XCL1: variants seen among roughly 807,000 people sequenced by gnomAD.
XCL1 encodes lymphotactin.
In XCL1, 6 loss-of-function variants were observed where a neutral mutation model predicts 7.4. The ratio of observed to expected loss-of-function variants is 0.82; its 90% CI spans 0.45 to 1.61. The LOEUF (loss-of-function observed/expected upper bound fraction) is 1.61. XCL1 is among the 40% of genes most tolerant of loss of function. The pLI, the probability that XCL1 is intolerant of heterozygous loss-of-function variation, is 0.01. For missense variants in XCL1, 122 were observed against 138.2 expected (o/e 0.88, Z 0.59); for synonymous variants, 48 against 52.4 (o/e 0.92, Z 0.36).
chr1:168,578,087 T>C (rs566921447), intron 1 of XCL1, among the ~76,000 whole-genome samples: 1 of 152,316 alleles, frequency 6.6e-6, no homozygotes, highest in African/African-American at 2.4e-5. Flanking sequence ...GAGAGAAATA[T>C]TGTTTCTTAA....
chr1:168,577,206 G>A (rs1655044575), intron 1 of XCL1, among the ~76,000 whole-genome samples: 1 of 152,114 alleles, frequency 6.6e-6, no homozygotes, highest in Admixed American at 6.5e-5. Context: ...TGCACCAGAG[G>A]ATGTATGTTC....
intron 2 of XCL1, among the ~76,000 whole-genome samples, 156 bp downstream of exon 2, chr1:168,580,333 C>T (rs1211061972): frequency 6.6e-6 from 1 of 152,206 alleles, no homozygotes; most frequent in South Asian, 2.1e-4. Context: ...TCAATCATGT[C>T]TTTCTGCAGC....
intron 1 of XCL1, among the ~76,000 whole-genome samples, chr1:168,577,643 T>A (rs763017759): frequency 2.0e-5 from 3 of 152,194 alleles, no homozygotes; most frequent in Admixed American, 6.5e-5. Context: ...TGGCTAAGTC[T>A]GGAAGTCCTT....
rs781589525 is a variant in XCL1 at position 168,581,088 on chromosome 1, T to C, written c.213T>C (p.Asp71=). ...ITKRGLKVCA[D]PQATWVRDVV... ...AACGTGGCCTAAAAGTCTGTGCTGA[T>C]CCACAAGCCACATGGGTGAGAGACG... Residue 71 remains aspartate, a synonymous_variant, in exon 3 of 3, where the codon GAT becomes GAC. Coordinates refer to ENST00000367818, the MANE Select transcript of XCL1 (RefSeq NM_002995.3). 1.1e-5 allele frequency: 18 copies of C among 1,613,658 alleles called. No homozygotes were observed. The highest frequency in any genetic ancestry group is 1.5e-5 in the Non-Finnish European group (18 of 1,179,772).
At chr1:168,577,325 T>C (rs1248331619) in intron 1 of XCL1, among the ~76,000 whole-genome samples, 1 of 152,156 alleles carries the variant, frequency 6.6e-6, no homozygotes, top group African/African-American at 2.4e-5. Context: ...GGGACTCTGT[T>C]AGTAATGCCA....
intron 1 of XCL1, among the ~76,000 whole-genome samples, chr1:168,578,205 A>G (rs1359551034): frequency 6.6e-6 from 1 of 152,228 alleles, no homozygotes; most frequent in African/African-American, 2.4e-5. Flanking sequence ...CAATGTGCAG[A>G]CTGGCATTGA....
chr1:168,579,387 G>A (rs1319999051), intron 1 of XCL1: 4 of 173,080 alleles, frequency 2.3e-5, no homozygotes, highest in East Asian at 1.9e-4. Context: ...GCTTCCTCAC[G>A]ACGGCAGGGT....
At chr1:168,580,021 T>C in intron 1 of XCL1, 42 bp from the exon 2 acceptor site, 1 of 1,581,168 alleles carries the variant, frequency 6.3e-7, no homozygotes, top group South Asian at 1.1e-5. Context: ...TCTGGATAAT[T>C]GCTTTATTTT....
chr1:168,580,902 G>C, intron 2 of XCL1, 150 bp from the exon 3 acceptor site: 1 of 1,147,488 alleles, frequency 8.7e-7, no homozygotes, highest in Non-Finnish European at 1.2e-6. Flanking sequence ...GGCAGAAGAA[G>C]GGTACTCATT....
At chr1:168,578,588 C>T in intron 1 of XCL1, 1 of 203,840 alleles carries the variant, frequency 4.9e-6, no homozygotes, top group Non-Finnish European at 9.7e-6. Context: ...TACCTTTTAC[C>T]ATTTATTAAT....
Position 168,581,128 on chromosome 1 carries a change from G to C in XCL1, c.253G>C (p.Asp85His), listed in dbSNP as rs534093034. Residue 85 changes from aspartate (D) to histidine (H), a missense_variant, in exon 3 of 3, where the codon GAC (aspartate) becomes CAC (histidine). By Grantham distance (81) the Asp-to-His change is moderately conservative (BLOSUM62 -1). Coordinates refer to ENST00000367818, the MANE Select transcript of XCL1 (RefSeq NM_002995.3). ...GGTGAGAGACGTGGTCAGGAGCATG[G>C]ACAGGAAATCCAACACCAGAAATAA... The part of the protein sequence containing the change: ...TWVRDVVRSM[D>H]RKSNTRNNMI... 587 of 1,613,818 alleles carry C rather than the reference G, an allele frequency of 3.6e-4. 6 individuals carry two copies. In the East Asian group the frequency reaches 0.012, roughly 32 times the overall value.
At chr1:168,576,790 A>AC in intron 1 of XCL1, 92 bp downstream of exon 1, 4 of 1,578,934 alleles carry the variant, frequency 2.5e-6, no homozygotes, top group Non-Finnish European at 3.5e-6. Flanking sequence ...GACTGGACTA[A>AC]CCTGCTTTCC....
Position 168,582,016 on chromosome 1 carries a change from A to C in XCL1, c.*796A>C, listed in dbSNP as rs1655185336. On this transcript the variant is annotated 3_prime_UTR_variant, in exon 3 of 3. Transcript: ENST00000367818. Reference sequence around the variant, plus strand: ...ATGCTGACCCATGCAATATTTCCTCATGTGATCACAATTTGCAGTAAACTT... The same window carrying C: ...ATGCTGACCCATGCAATATTTCCTCCTGTGATCACAATTTGCAGTAAACTT... 1 of 152,192 alleles carries C rather than the reference A, an allele frequency of 6.6e-6. No individual in the cohort carries two copies. The highest frequency in any genetic ancestry group is 1.5e-5 in the Non-Finnish European group (1 of 68,038). The allele number at this position is 152,192 out of a possible 1,614,324, so 9.4% of individuals were successfully genotyped here.
intron 1 of XCL1, among the ~76,000 whole-genome samples, chr1:168,579,665 G>T (rs541025233): frequency 2.0e-5 from 3 of 152,122 alleles, no homozygotes; most frequent in Admixed American, 2.0e-4. Context: ...GAGAAGATAT[G>T]CTCTATGAAA....
In XCL1 at chr1:168,581,746, T is replaced by G. The variant is rs1655177605; in HGVS notation, c.*526T>G. The G allele has an allele frequency of 6.6e-6, 1 of 152,214 alleles. No homozygotes were observed. The highest frequency in any genetic ancestry group is 1.5e-5 in the Non-Finnish European group (1 of 68,048). 9.4% of individuals were successfully genotyped at this position (152,214 alleles called of 1,614,324 possible). A position where few individuals can be genotyped will look rare whatever the true frequency, so the allele number is the denominator to read the frequency against. ...CTACTCAAAAATTTGCTTCACTCAA[T>G]TTTTTTCACCTCTTTGTGTTTTATT... On this transcript the variant is annotated 3_prime_UTR_variant, in exon 3 of 3. Transcript: ENST00000367818.
intron 2 of XCL1, 115 bp from the exon 3 acceptor site, chr1:168,580,937 T>C: frequency 1.4e-6 from 2 of 1,388,804 alleles, no homozygotes; most frequent in Non-Finnish European, 1.9e-6. Context: ...TCTGAAAGAC[T>C]ATTTCTTGCA....
intron 1 of XCL1, among the ~76,000 whole-genome samples, chr1:168,578,222 A>G (rs1173087833): frequency 1.3e-5 from 2 of 152,236 alleles, no homozygotes; most frequent in African/African-American, 4.8e-5. Context: ...TTGAGAGTGA[A>G]GAAATGATGA....
chr1:168,580,918 T>C (rs1448256320), intron 2 of XCL1, 134 bp from the exon 3 acceptor site: 1 of 1,285,458 alleles, frequency 7.8e-7, no homozygotes, highest in Non-Finnish European at 1.1e-6. Flanking sequence ...TCATTTATGA[T>C]CTCATGGCTC....
intron 1 of XCL1, among the ~76,000 whole-genome samples, chr1:168,579,596 A>G (rs1169401465): frequency 6.6e-6 from 1 of 151,990 alleles, no homozygotes; most frequent in Non-Finnish European, 1.5e-5. Flanking sequence ...GTACTGTAAC[A>G]TGTTGCACTA....
Sources: gnomAD v4.1 joint callset for allele counts (sites outside exome capture counted in the v4.1 genomes callset) on GRCh38, gnomAD v4.1.1 for gene constraint, MANE v1.5 for transcripts, NCBI Gene and HGNC (gene_info 2026-07-23, HGNC 2026-07-21) for gene names.